Variants in TP73 observed in about 807,000 individuals in gnomAD.
TP73 encodes p53-like transcription factor.
A neutral mutation model predicts 62.5 loss-of-function variants in TP73; 25 were observed. That is an observed-to-expected ratio of 0.40 (90% CI 0.29 to 0.56). TP73 has a LOEUF of 0.56. Ranked by LOEUF, TP73 falls within the 20% of genes least tolerant of loss-of-function variation. The probability of loss-of-function intolerance (pLI) is 0.46; values close to 1 mark genes in which losing one functional copy is unlikely to be tolerated. For synonymous variants in TP73, 423 were observed against 377.5 expected, an observed-to-expected ratio of 1.12 and a Z score of -1.40; for missense variants, 754 against 913.3, an observed-to-expected ratio of 0.83 and a Z score of 2.25.
At chr1:3,664,628 G>A (rs528631850) in intron 1 of TP73, among the ~76,000 whole-genome samples, 1 of 152,328 alleles carries the variant, frequency 6.6e-6, no homozygotes, top group South Asian at 2.1e-4. Context: ...GGTCCACCTG[G>A]GTGGTGCCCA....
chr1:3,652,548 G>GGCTC lies in TP73; in HGVS notation c.-124_-121dup, dbSNP rs1290598719. 2.6e-5 allele frequency: 4 copies of GGCTC among 151,342 alleles called. No individual in the cohort carries two copies. The highest frequency in any genetic ancestry group is 2.6e-4 in the Admixed American group (4 of 15,208). The allele number at this position is 151,342 out of a possible 1,614,324, so 9.4% of individuals were successfully genotyped here. Reference sequence around the variant, plus strand: ...CTCCCCGCCCGCGCACCCGCCCGGAGGCTCGCGCGCCCGCGAAGGGGACGC... The same window carrying GGCTC: ...CTCCCCGCCCGCGCACCCGCCCGGAGGCTCGCTCGCGCGCCCGCGAAGGGGACGC... On this transcript the variant is annotated 5_prime_UTR_variant, in exon 1 of 14. Coordinates refer to ENST00000378295, the MANE Select transcript of TP73 (RefSeq NM_005427.4).
chr1:3,733,830 C>T lies in TP73; in HGVS notation c.*751C>T, dbSNP rs368757159. On this transcript the variant is annotated 3_prime_UTR_variant, in exon 14 of 14. Transcript: ENST00000378295. ...GCCACAGTCGCCTCTCCTCGGGGAC[C>T]CCTCAGCAGAAAGGGACAGCCTGTC... 7.9e-5 allele frequency: 12 copies of T among 152,368 alleles called. 1 individual carries two copies. The highest frequency in any genetic ancestry group is 7.7e-4 in the East Asian group (4 of 5,178). The allele number at this position is 152,368 out of a possible 1,614,324, so 9.4% of individuals were successfully genotyped here.
At position 3,729,319 on chromosome 1, in the gene TP73, G is replaced by A. The variant is rs765065939; in HGVS notation, c.1075-8G>A. 1.9e-6 allele frequency: 3 copies of A among 1,612,998 alleles called. No individual in the cohort carries two copies. The highest frequency in any genetic ancestry group is 2.2e-5 in the East Asian group (1 of 44,860). Reference sequence around the variant, plus strand: ...CACGTGGGCAGAGATCTGCTCCTCTGTGCTCAGGTGCGAGGCCGGGAGAAC... The same window carrying A: ...CACGTGGGCAGAGATCTGCTCCTCTATGCTCAGGTGCGAGGCCGGGAGAAC... On this transcript the variant is annotated splice_polypyrimidine_tract_variant and splice_region_variant and intron_variant, in intron 9 of 13. Transcript: ENST00000378295.
chr1:3,720,343 G>T (rs1362227607), intron 4 of TP73, among the ~76,000 whole-genome samples: 1 of 152,254 alleles, frequency 6.6e-6, no homozygotes, highest in African/African-American at 2.4e-5. Context: ...CAAGGTGGGG[G>T]TCGCAGGCAG....
At position 3,670,810 on chromosome 1, in the gene TP73, G is replaced by T. The variant is rs187244196; in HGVS notation, c.-33-11523G>T. Among the ~76,000 whole-genome samples the T allele has an allele frequency of 7.7e-4, 118 of 152,310 alleles. No homozygotes were observed. Among genetic ancestry groups the T allele is most frequent in the Non-Finnish European group, 5.6e-4 (38 of 68,030 alleles). ...GTCCTGACCTGACCTGCTGGGCCCC[G>T]CCCGCTCAAACCAAATCATGGATTC... On this transcript the variant is annotated intron_variant, in intron 1 of 13. Transcript: ENST00000378295. The surrounding 1 kb of genome is among the most constrained non-coding windows in gnomAD (Gnocchi z 5.9).
At chr1:3,677,774 G>A (rs1645407867) in intron 1 of TP73, among the ~76,000 whole-genome samples, 1 of 148,304 alleles carries the variant, frequency 6.7e-6, no homozygotes, top group African/African-American at 2.5e-5. Flanking sequence ...GCTCACTGCA[G>A]CCTCGAGCCC....
chr1:3,661,451 G>A (rs969420791), intron 1 of TP73, among the ~76,000 whole-genome samples: 1 of 152,110 alleles, frequency 6.6e-6, no homozygotes, highest in Non-Finnish European at 1.5e-5. Flanking sequence ...GGTCATGCCT[G>A]TAATTCCAGC....
At chr1:3,724,450 G>A (rs995652218) in intron 6 of TP73, among the ~76,000 whole-genome samples, 1 of 151,920 alleles carries the variant, frequency 6.6e-6, no homozygotes, top group Non-Finnish European at 1.5e-5. Context: ...CTGTACCCAG[G>A]CCCCCTTCGA....
intron 12 of TP73, 144 bp downstream of exon 12, chr1:3,731,209 G>A: frequency 8.0e-7 from 1 of 1,244,780 alleles, no homozygotes; most frequent in Non-Finnish European, 1.1e-6. Flanking sequence ...GGGCAGTCAG[G>A]CCAGGAGCAT....
Position 3,701,443 on chromosome 1 carries a change from A to G in TP73, c.187-6106A>G, listed in dbSNP as rs1043538032. Among the ~76,000 whole-genome samples, 1 of 152,096 alleles carries G rather than the reference A, an allele frequency of 6.6e-6. No individual in the cohort carries two copies. Among genetic ancestry groups the G allele is most frequent in the African/African-American group, 2.4e-5 (1 of 41,414 alleles). On this transcript the variant is annotated intron_variant, in intron 3 of 13. Transcript: ENST00000378295. This position sits in a 1 kb window ranked among gnomAD's most constrained non-coding sequence, Gnocchi z 4.7. The stretch of plus-strand genomic sequence containing the variant: ...CGAGAGTCACTTCCGATGAAGTCTC[A>G]GGTTACCATACTTCTGGACCCTCTT...
At chr1:3,698,220 T>A (rs1281388537) in intron 3 of TP73, 13 of 744,428 alleles carry the variant, frequency 1.7e-5, no homozygotes, top group Non-Finnish European at 2.0e-5. Flanking sequence ...GGCTGACACC[T>A]GGGTTGGGCT....
At position 3,727,753 on chromosome 1, in the gene TP73, G is replaced by T; in HGVS notation, c.968G>T (p.Gly323Val). The T allele has an allele frequency of 6.5e-7, 1 of 1,546,090 alleles. No homozygotes were observed. The change falls in exon 8 of 14, where the codon GGG (glycine) becomes GTG (valine). Residue 323 changes from glycine (G) to valine (V), a missense_variant. Transcript: ENST00000378295. ...QALNESSAKN[G>V]AASKRAFKQS... The stretch of plus-strand genomic sequence containing the variant: ...CTGAACGAGAGCTCCGCCAAGAACG[G>T]GGCCGCCAGCAAGCGTGGTGAGCGG...
At chr1:3,669,275 C>T (rs1202348074) in intron 1 of TP73, among the ~76,000 whole-genome samples, 1 of 152,204 alleles carries the variant, frequency 6.6e-6, no homozygotes, top group East Asian at 1.9e-4. Context: ...CAGAGAGCCC[C>T]TCTACGGCCT....
intron 12 of TP73, among the ~76,000 whole-genome samples, 186 bp downstream of exon 12, chr1:3,731,251 G>C (rs904170174): frequency 1.4e-4 from 21 of 152,310 alleles, no homozygotes; most frequent in African/African-American, 5.1e-4. Context: ...TCCACTTAGA[G>C]GAAAAGCACA....
chr1:3,696,388 C>T lies in TP73; in HGVS notation c.187-11161C>T, dbSNP rs754214394. 1.3e-5 allele frequency among the ~76,000 whole-genome samples: 2 copies of T among 151,958 alleles called. No homozygotes were observed. Among genetic ancestry groups the T allele is most frequent in the African/African-American group, 4.8e-5 (2 of 41,368 alleles). On this transcript the variant is annotated intron_variant, in intron 3 of 13. Coordinates refer to ENST00000378295, the MANE Select transcript of TP73 (RefSeq NM_005427.4). This position sits in a 1 kb window ranked among gnomAD's most constrained non-coding sequence, Gnocchi z 4.1. ...ACACTGGCAGGAGCGGCCATGTGGA[C>T]ACTCAGTTGCTGGTGTGGGCAGGCA...
Position 3,732,955 on chromosome 1 carries a change from TC to T in TP73, c.1791del (p.Asn598ThrfsTer156). 1 of 1,607,844 alleles carries T rather than the reference TC, an allele frequency of 6.2e-7. No individual in the cohort carries two copies. The highest frequency in any genetic ancestry group is 8.5e-7 in the Non-Finnish European group (1 of 1,178,852). On this transcript the variant is annotated frameshift_variant, in exon 14 of 14. Transcript: ENST00000378295. LOFTEE classifies it high-confidence loss of function. ...VHFRVRHTIT[I>X]PNRGGPGGGP... ...TTCCGCGTGCGCCACACCATCACCA[TC>T]CCCAACCGCGGCGGCCCAGGCGGCG...
intron 1 of TP73, among the ~76,000 whole-genome samples, chr1:3,654,538 C>T (rs1369032536): frequency 6.6e-6 from 1 of 152,228 alleles, no homozygotes; most frequent in Admixed American, 6.5e-5. Context: ...TCTGCAGAGT[C>T]GGGTAATAGT....
intron 1 of TP73, among the ~76,000 whole-genome samples, chr1:3,678,593 T>G (rs1645429858): frequency 6.6e-6 from 1 of 152,248 alleles, no homozygotes; most frequent in South Asian, 2.1e-4. Context: ...CTCCGTGTGC[T>G]TTAAGTCTGG....
In TP73 at chr1:3,730,141, G is replaced by A. The variant is rs1403004994; in HGVS notation, c.1338G>A (p.Gly446=). The A allele has an allele frequency of 6.4e-7, 1 of 1,552,952 alleles. No individual in the cohort carries two copies. The highest frequency in any genetic ancestry group is 1.9e-5 in the Admixed American group (1 of 51,562). The stretch of plus-strand genomic sequence containing the variant: ...GTTCGGCAGCTACACCCAACCTGGG[G>A]CCCGTGGGTGAGTCCCTTGGGCAGT... ...PHSSAATPNL[G]PVGPGMLNNH... Residue 446 remains glycine, a synonymous_variant, in exon 11 of 14, where the codon GGG becomes GGA. Transcript: ENST00000378295.
Sources: gnomAD v4.1 joint callset for allele counts (sites outside exome capture counted in the v4.1 genomes callset) on GRCh38, gnomAD v4.1.1 for gene constraint, Gnocchi (gnomAD v3.1) non-coding constraint, MANE v1.5 for transcripts, NCBI Gene and HGNC (gene_info 2026-07-23, HGNC 2026-07-21) for gene names.